Variants in BSG observed in about 807,000 individuals in gnomAD.
BSG encodes the protein basigin.
In BSG, 37 loss-of-function variants were observed where a neutral mutation model predicts 43.1. That is an observed-to-expected ratio of 0.86 (90% confidence interval 0.66 to 1.13). The LOEUF is 1.13. BSG is among the 50% of genes most tolerant of loss of function. The pLI is 0.00. For missense variants in BSG, 599 were observed against 554.2 expected, an observed-to-expected ratio of 1.08 and a Z score of -0.81; for synonymous variants, 309 against 238.7, an observed-to-expected ratio of 1.29 and a Z score of -2.72.
chr19:579,496 G>T lies in BSG; in HGVS notation c.416-4G>T. The stretch of plus-strand genomic sequence containing the variant: ...TGCTGACCGCGTCTCGCCGGGCCTT[G>T]CAGCCGGCACAGTCTTCACTACCGT... On this transcript the variant is annotated splice_region_variant and splice_polypyrimidine_tract_variant and intron_variant, in intron 2 of 8. Coordinates refer to ENST00000333511, the MANE Select transcript of BSG (RefSeq NM_001728.4). The T allele has an allele frequency of 1.2e-6, 2 of 1,612,508 alleles. No individual in the cohort carries two copies. The highest frequency in any genetic ancestry group is 1.7e-6 in the Non-Finnish European group (2 of 1,179,902).
rs140558438 is a variant in BSG at position 579,567 on chromosome 19, C to T, written c.483C>T (p.Asp161=). The T allele has an allele frequency of 1.2e-6, 2 of 1,612,776 alleles. No homozygotes were observed. Among genetic ancestry groups the T allele is most frequent in the Non-Finnish European group, 1.7e-6 (2 of 1,179,938 alleles). Residue 161 remains aspartate (D), a synonymous_variant, in exon 3 of 9, where the codon GAC becomes GAT. Transcript: ENST00000333511. ...TACTCCTCACCTGCTCCTTGAATGA[C>T]AGCGCCACAGAGGTCACAGGGCACC... ...SKILLTCSLN[D]SATEVTGHRW...
At chr19:572,398 C>T (rs966564898), upstream of BSG, 3 of 985,192 alleles carry the variant, frequency 3.0e-6, no homozygotes, top group East Asian at 1.1e-4. Context: ...CTAGCAACGC[C>T]GGGTCACGTG....
At chr19:574,369 C>T (rs1465479282) in intron 1 of BSG, among the ~76,000 whole-genome samples, 1 of 151,842 alleles carries the variant, frequency 6.6e-6, no homozygotes, top group Non-Finnish European at 1.5e-5. Context: ...GTGGCTAACA[C>T]GGTGAAACCC....
At chr19:572,903 C>T (rs1021396648) in intron 1 of BSG, among the ~76,000 whole-genome samples, 2 of 152,114 alleles carry the variant, frequency 1.3e-5, no homozygotes, top group African/African-American at 4.8e-5. Context: ...GAGGTTCCTC[C>T]CGGCGCGGCC....
intron 7 of BSG, 39 bp downstream of exon 7, chr19:582,369 G>A (rs374164143): frequency 8.0e-5 from 128 of 1,596,284 alleles, no homozygotes; most frequent in Non-Finnish European, 9.3e-5. Flanking sequence ...CCCAAGGAGC[G>A]GCCTGCTGCC....
In BSG at chr19:577,909, C is replaced by G. The variant is rs764410306; in HGVS notation, c.203C>G (p.Ser68Cys). 97 of 1,600,004 alleles carry G rather than the reference C, an allele frequency of 6.1e-5. No homozygotes were observed. Among genetic ancestry groups the G allele is most frequent in the Non-Finnish European group, 7.7e-5 (90 of 1,171,084 alleles). ...FEGQGPNDTC[S>C]QLWDGARLDR... Reference sequence around the variant, plus strand: ...GGGCAGGGTCCCAACGACACCTGCTCCCAGCTCTGGGACGGCGCCCGGCTG... The same window carrying G: ...GGGCAGGGTCCCAACGACACCTGCTGCCAGCTCTGGGACGGCGCCCGGCTG... Residue 68 changes from serine (S) to cysteine (C), a missense_variant, in exon 2 of 9, where the codon TCC becomes TGC. By Grantham distance (112) the Ser-to-Cys change is moderately radical. Transcript: ENST00000333511.
At chr19:580,011 C>A in intron 3 of BSG, 2 of 414,468 alleles carry the variant, frequency 4.8e-6, no homozygotes, top group Non-Finnish European at 8.7e-6. Context: ...TGCTCGGACC[C>A]CAGACGCTGT....
chr19:578,164 T>A, intron 2 of BSG, 43 bp downstream of exon 2: 4 of 1,471,766 alleles, frequency 2.7e-6, no homozygotes, highest in Non-Finnish European at 3.6e-6. Context: ...TCAGTTTCCC[T>A]CCTGTGCCGC....
chr19:581,677 T>G (rs1982339015), intron 6 of BSG, 86 bp downstream of exon 6: 1 of 1,448,224 alleles, frequency 6.9e-7, no homozygotes, highest in Admixed American at 2.4e-5. Flanking sequence ...GCCCCACCGC[T>G]GACCCAGAGC....
At chr19:579,827 G>A in intron 3 of BSG, 171 bp downstream of exon 3, 1 of 1,066,972 alleles carries the variant, frequency 9.4e-7, no homozygotes, top group Middle Eastern at 3.2e-4. Flanking sequence ...AGGGGTCTGA[G>A]GGGCGTCCTT....
At chr19:573,652 C>T (rs1287347238) in intron 1 of BSG, among the ~76,000 whole-genome samples, 2 of 152,176 alleles carry the variant, frequency 1.3e-5, no homozygotes, top group Non-Finnish European at 2.9e-5. Flanking sequence ...CTGAACGCCC[C>T]TCCTCCTTTA....
At chr19:572,916 C>T (rs1276797147) in intron 1 of BSG, among the ~76,000 whole-genome samples, 1 of 151,996 alleles carries the variant, frequency 6.6e-6, no homozygotes, top group Non-Finnish European at 1.5e-5. Context: ...GCGCGGCCTG[C>T]CGGGCTCCCC....
At chr19:572,086 C>CAT (rs61577385), upstream of BSG, 15,733 of 149,380 alleles carry the variant, frequency 0.11, 1,201 homozygotes, top group African/African-American at 0.22. Context: ...TTAATACGTT[C>CAT]ATATATATAT....
At chr19:571,643 G>C, upstream of BSG, 1 of 776,840 alleles carries the variant, frequency 1.3e-6, no homozygotes, top group South Asian at 1.3e-5. Context: ...GCGGCGAGTC[G>C]GTCCCGCAAA....
In BSG at chr19:579,629, C is replaced by T. The variant is rs748351801; in HGVS notation, c.545C>T (p.Ala182Val). Residue 182 changes from alanine (A) to valine (V), a missense_variant, in exon 3 of 9, where the codon GCG becomes GTG. Coordinates refer to ENST00000333511, the MANE Select transcript of BSG (RefSeq NM_001728.4). ...LKGGVVLKED[A>V]LPGQKTEFKV... ...GGGGGCGTGGTGCTGAAGGAGGACGCGCTGCCCGGCCAGAAAACGGAGTTC... is the reference window on the plus strand; with the variant it reads ...GGGGGCGTGGTGCTGAAGGAGGACGTGCTGCCCGGCCAGAAAACGGAGTTC... 34 of 1,611,046 alleles carry T rather than the reference C, an allele frequency of 2.1e-5. 1 individual carries two copies. The South Asian group carries it at 2.4e-4, about 11-fold the overall frequency.
In BSG at chr19:581,308, C is replaced by T. The variant is rs373808404; in HGVS notation, c.793-7C>T. 3.1e-6 allele frequency: 5 copies of T among 1,608,408 alleles called. No individual in the cohort carries two copies. The highest frequency in any genetic ancestry group is 2.2e-5 in the East Asian group (1 of 44,736). On this transcript the variant is annotated splice_polypyrimidine_tract_variant and splice_region_variant and intron_variant, in intron 5 of 8. Coordinates refer to ENST00000333511, the MANE Select transcript of BSG (RefSeq NM_001728.4). ...CCTGGACTCAGCCCTTGCCTTTGGT[C>T]CCCTAGGCCCTCATGAACGGCTCCG...
Position 580,660 on chromosome 19 carries a change from A to C in BSG, c.670A>C (p.Lys224Gln). Residue 224 changes from lysine (K) to glutamine (Q), a missense_variant, in exon 5 of 9, where the codon AAG becomes CAG. Coordinates refer to ENST00000333511, the MANE Select transcript of BSG (RefSeq NM_001728.4). ...CCTCCTGTCAGGGCCTCCCAGAGTG[A>C]AGGCTGTGAAGTCGTCAGAACACAT... ...NIQLHGPPRV[K>Q]AVKSSEHINE... 1 of 1,612,804 alleles carries C rather than the reference A, an allele frequency of 6.2e-7. No individual in the cohort carries two copies. Among genetic ancestry groups the C allele is most frequent in the South Asian group, 1.1e-5 (1 of 91,082 alleles).
At chr19:572,578 G>C, upstream of BSG, 1 of 1,435,594 alleles carries the variant, frequency 7.0e-7, no homozygotes, top group African/African-American at 1.5e-5. Context: ...TTTTATAGCG[G>C]CCGCGGGCGG....
intron 1 of BSG, among the ~76,000 whole-genome samples, chr19:576,619 AGT>A (rs1981792766): frequency 6.6e-6 from 1 of 151,948 alleles, no homozygotes; most frequent in Admixed American, 6.6e-5. Flanking sequence ...ATATTAGCTG[AGT>A]GTGGTGGCAG....
Sources: allele counts gnomAD v4.1 joint callset (sites outside exome capture counted in the v4.1 genomes callset), GRCh38; gene constraint gnomAD v4.1.1; transcripts MANE v1.5; gene names NCBI Gene and HGNC (gene_info 2026-07-23, HGNC 2026-07-21).